PARD3B: variants seen among roughly 807,000 people sequenced by gnomAD.
PARD3B encodes par-3 family cell polarity regulator beta, also known as partitioning defective 3 homolog B.
In PARD3B, 103 loss-of-function variants were observed where a neutral mutation model predicts 130.2. The ratio of observed to expected loss-of-function variants is 0.79; its 90% CI spans 0.67 to 0.93. The LOEUF is 0.93. Ranked by LOEUF, PARD3B falls within the 40% of genes least tolerant of loss-of-function variation. The pLI is 0.00. For missense variants in PARD3B, 1,609 were observed against 1,499.2 expected (o/e 1.07, Z -1.21); for synonymous variants, 583 against 553.2 (o/e 1.05, Z -0.76).
At chr2:204,897,625 T>C (rs959887377) in intron 2 of PARD3B, among the ~76,000 whole-genome samples, 4 of 152,124 alleles carry the variant, frequency 2.6e-5, no homozygotes, top group African/African-American at 7.2e-5. Context: ...AACCAGGATA[T>C]TGACAGTGAT....
intron 19 of PARD3B, among the ~76,000 whole-genome samples, chr2:205,439,458 G>C (rs1252224651): frequency 6.6e-6 from 1 of 152,174 alleles, no homozygotes; most frequent in Non-Finnish European, 1.5e-5. Context: ...TCCAGTAAGA[G>C]GCTATAGTGA....
At chr2:204,829,614 C>T (rs557937097) in intron 2 of PARD3B, among the ~76,000 whole-genome samples, 12 of 152,182 alleles carry the variant, frequency 7.9e-5, no homozygotes, top group African/African-American at 2.9e-4. Flanking sequence ...GCAGAGGGAC[C>T]TGGTAGGAGG....
chr2:205,152,926 T>C (rs1252177330), intron 10 of PARD3B, among the ~76,000 whole-genome samples: 1 of 152,188 alleles, frequency 6.6e-6, no homozygotes, highest in Admixed American at 6.5e-5. Context: ...GATGGTGACC[T>C]ACAGATGGGG....
chr2:204,614,756 A>G (rs531232486), intron 1 of PARD3B, among the ~76,000 whole-genome samples: 1 of 151,848 alleles, frequency 6.6e-6, no homozygotes, highest in South Asian at 2.1e-4. Flanking sequence ...AGTGTGTGGT[A>G]CCTCCTCATT....
chr2:205,229,714 G>C lies in PARD3B; in HGVS notation c.2141-16064G>C, dbSNP rs1331901650. On this transcript the variant is annotated intron_variant, in intron 15 of 22. Transcript: ENST00000406610. The surrounding 1 kb of genome is among the most constrained non-coding windows in gnomAD (Gnocchi z 5.2). ...ACTAGAGCTCCGCAATAAGCAGGTG[G>C]TAAAGCCACCCAGGCTTGTGTCCTT... 1.3e-5 allele frequency among the ~76,000 whole-genome samples: 2 copies of C among 152,092 alleles called. No individual in the cohort carries two copies.
intron 2 of PARD3B, among the ~76,000 whole-genome samples, chr2:204,849,109 A>G (rs2044595497): frequency 6.6e-6 from 1 of 152,084 alleles, no homozygotes; most frequent in Non-Finnish European, 1.5e-5. Context: ...TAGGGAAGAA[A>G]AATGTCACAA....
intron 2 of PARD3B, among the ~76,000 whole-genome samples, chr2:204,742,015 C>T (rs1351376020): frequency 6.6e-6 from 1 of 152,104 alleles, no homozygotes. Context: ...ACACTTCACC[C>T]AGGATCTACT....
intron 2 of PARD3B, among the ~76,000 whole-genome samples, chr2:204,850,071 G>T (rs148922607): frequency 3.3e-5 from 5 of 152,228 alleles, no homozygotes; most frequent in African/African-American, 1.2e-4. Context: ...GTTAATCCAG[G>T]TCTCAGATGG....
intron 14 of PARD3B, among the ~76,000 whole-genome samples, chr2:205,189,533 A>G (rs996028547): frequency 4.6e-5 from 7 of 152,162 alleles, no homozygotes; most frequent in African/African-American, 2.4e-5. Flanking sequence ...CCAGCTTCCA[A>G]CAGCCTTCAC....
At chr2:205,248,657 A>C (rs917258321) in intron 16 of PARD3B, among the ~76,000 whole-genome samples, 11 of 117,516 alleles carry the variant, frequency 9.4e-5, no homozygotes, top group African/African-American at 3.7e-4. Context: ...GCCAGGCTGG[A>C]GTGCAGTGGC....
chr2:205,340,081 C>G (rs546724841), intron 18 of PARD3B, among the ~76,000 whole-genome samples: 73 of 152,196 alleles, frequency 4.8e-4, no homozygotes, highest in African/African-American at 1.7e-3. Context: ...AAAACCACTA[C>G]CTAGAATGAA....
intron 4 of PARD3B, among the ~76,000 whole-genome samples, chr2:205,059,046 G>T (rs1431398588): frequency 6.6e-6 from 1 of 151,388 alleles, no homozygotes; most frequent in African/African-American, 2.4e-5. Context: ...TTTCTTCTAA[G>T]AGTTTTATAG....
chr2:205,070,318 C>T (rs754074930), intron 4 of PARD3B, among the ~76,000 whole-genome samples: 4 of 151,896 alleles, frequency 2.6e-5, no homozygotes, highest in African/African-American at 9.7e-5. Context: ...ACTTAATCCA[C>T]ATTAGAATTT....
intron 1 of PARD3B, among the ~76,000 whole-genome samples, chr2:204,570,198 G>C (rs2031910524): frequency 6.6e-6 from 1 of 152,146 alleles, no homozygotes; most frequent in Non-Finnish European, 1.5e-5. Context: ...ATCTGCAAGG[G>C]AGAGCTTGTT....
rs1438928999 is a variant in PARD3B, at chr2:204,799,843, G to A, written c.222+113561G>A. On this transcript the variant is annotated intron_variant, in intron 2 of 22. Coordinates refer to ENST00000406610, the MANE Select transcript of PARD3B (RefSeq NM_001302769.2). The surrounding 1 kb of genome is among the most constrained non-coding windows in gnomAD (Gnocchi z 4.1). ...TTCCCCAAATGCAGATATGGCTGCA[G>A]TGACTAAAGATTTATATCACAGCAT... 5.9e-5 allele frequency among the ~76,000 whole-genome samples: 9 copies of A among 152,156 alleles called. No individual in the cohort carries two copies. Among genetic ancestry groups the A allele is most frequent in the African/African-American group, 2.2e-4 (9 of 41,434 alleles).
At chr2:204,636,753 C>G (rs1326381954) in intron 1 of PARD3B, among the ~76,000 whole-genome samples, 1 of 152,034 alleles carries the variant, frequency 6.6e-6, no homozygotes, top group Non-Finnish European at 1.5e-5. Context: ...TTCTTTCTAA[C>G]TTTTCTTCCC....
intron 2 of PARD3B, among the ~76,000 whole-genome samples, chr2:204,789,852 G>T (rs1185117744): frequency 2.0e-5 from 3 of 149,536 alleles, no homozygotes; most frequent in Non-Finnish European, 3.0e-5. Context: ...ACTTGGTGAA[G>T]GTGAATTTTT....
chr2:205,103,760 G>C, intron 4 of PARD3B: 2 of 984,540 alleles, frequency 2.0e-6, no homozygotes, highest in Non-Finnish European at 2.4e-6. Context: ...CCTCTCCTCT[G>C]CTTCTCTGGG....
chr2:205,150,808 A>G (rs2033702013), intron 10 of PARD3B, among the ~76,000 whole-genome samples: 1 of 152,206 alleles, frequency 6.6e-6, no homozygotes, highest in South Asian at 2.1e-4. Flanking sequence ...AGAGTCTGAC[A>G]GTTGAACTCA....
Sources: allele counts gnomAD v4.1 joint callset (sites outside exome capture counted in the v4.1 genomes callset), GRCh38; gene constraint gnomAD v4.1.1; non-coding constraint Gnocchi (gnomAD v3.1); transcripts MANE v1.5; gene names NCBI Gene and HGNC (gene_info 2026-07-23, HGNC 2026-07-21).